The following MSN variants were observed in gnomAD, a reference collection of about 807,000 sequenced individuals.
MSN encodes the protein moesin, also known as epididymis luminal protein 70.
Under a neutral mutation model 48.0 loss-of-function variants are expected in MSN, and 2 were observed. That is an observed-to-expected ratio of 0.04 (90% CI 0.02 to 0.13). The LOEUF is 0.13. Ranked by LOEUF, MSN falls within the 10% of genes least tolerant of loss-of-function variation. The pLI, the probability that MSN is intolerant of heterozygous loss-of-function variation, is 1.00. For missense variants in MSN, 267 were observed against 470.1 expected, an observed-to-expected ratio of 0.57 and a Z score of 3.99; for synonymous variants, 146 against 166.9, an observed-to-expected ratio of 0.87 and a Z score of 0.97.
chrX:65,701,204 A>T (rs2071299873), intron 1 of MSN, among the ~76,000 whole-genome samples: 1 of 111,992 alleles, frequency 8.9e-6, no homozygotes, highest in South Asian at 3.7e-4. Context: ...CATTGTGATC[A>T]TCATGCTTTG....
chrX:65,616,986 T>A (rs1412434177), intron 1 of MSN, among the ~76,000 whole-genome samples: 1 of 110,130 alleles, frequency 9.1e-6, no homozygotes, highest in Non-Finnish European at 1.9e-5. Context: ...TGTCTTTGGC[T>A]CTGTTTATAT....
At chrX:65,683,614 T>C (rs956638446) in intron 1 of MSN, among the ~76,000 whole-genome samples, 2 of 111,199 alleles carry the variant, frequency 1.8e-5, no homozygotes, top group African/African-American at 3.3e-5. Context: ...TAAGGTTGAC[T>C]GTCCTAAAAT....
chrX:65,716,179 C>G (rs1035470527), intron 1 of MSN, among the ~76,000 whole-genome samples: 1 of 111,687 alleles, frequency 9.0e-6, no homozygotes, highest in Non-Finnish European at 1.9e-5. Flanking sequence ...AGAAGAGAAC[C>G]CTGTGAGATG....
chrX:65,728,061 G>A (rs933119928), intron 3 of MSN, 152 bp downstream of exon 3: 5 of 443,897 alleles, frequency 1.1e-5, no homozygotes, highest in East Asian at 7.7e-5. Context: ...AATAAGGACC[G>A]AGGACACAAG....
chrX:65,692,431 T>C (rs887692578), intron 1 of MSN, among the ~76,000 whole-genome samples: 1 of 112,446 alleles, frequency 8.9e-6, no homozygotes, highest in African/African-American at 3.2e-5. Context: ...GTATGATCAA[T>C]TGGTATGTGG....
intron 1 of MSN, among the ~76,000 whole-genome samples, chrX:65,651,651 G>A (rs1235332309): frequency 9.4e-6 from 1 of 106,484 alleles, no homozygotes; most frequent in Non-Finnish European, 1.9e-5. Context: ...GCAATGGCAC[G>A]ATCTCAGCTC....
chrX:65,634,538 G>A (rs999667116), intron 1 of MSN, among the ~76,000 whole-genome samples: 2 of 110,656 alleles, frequency 1.8e-5, no homozygotes, highest in East Asian at 2.8e-4. Flanking sequence ...ACTTGAACCC[G>A]GGAGGCAGAG....
chrX:65,659,112 G>A (rs972217613), intron 1 of MSN, among the ~76,000 whole-genome samples: 1 of 110,286 alleles, frequency 9.1e-6, no homozygotes, highest in African/African-American at 3.3e-5. Context: ...CCAAAGTGCT[G>A]GGATTACAGG....
intron 1 of MSN, among the ~76,000 whole-genome samples, chrX:65,688,256 A>C (rs2071136103): frequency 8.9e-6 from 1 of 112,105 alleles, no homozygotes; most frequent in African/African-American, 3.2e-5. Context: ...ATTATTTTTT[A>C]AAATAGAGAC....
At position 65,741,029 on chromosome X, in the gene MSN, C is replaced by G. The variant is rs996093375; in HGVS notation, c.*1136C>G. 1.2e-5 allele frequency: 2 copies of G among 166,617 alleles called. No individual in the cohort carries two copies. Among genetic ancestry groups the G allele is most frequent in the African/African-American group, 6.0e-5 (2 of 33,265 alleles). 13.7% of individuals were successfully genotyped at this position (166,617 alleles called of 1,213,427 possible). On this transcript the variant is annotated 3_prime_UTR_variant, in exon 13 of 13. Coordinates refer to ENST00000360270, the MANE Select transcript of MSN (RefSeq NM_002444.3). ...TGGTGAGAGAAGCCTGTGCCCTGAT[C>G]CAAGTTTACTCAACCCTCTCAGGTG...
chrX:65,641,549 AGTATATATATAT>A (rs1280574272), intron 1 of MSN, among the ~76,000 whole-genome samples: 4 of 32,562 alleles, frequency 1.2e-4, no homozygotes, highest in African/African-American at 4.3e-4. Context: ...AAAAAAGTGA[AGTATATATATAT>A]ATATATATAT....
At chrX:65,614,794 A>G (rs1386602120) in intron 1 of MSN, among the ~76,000 whole-genome samples, 1 of 98,775 alleles carries the variant, frequency 1.0e-5, no homozygotes, top group African/African-American at 3.7e-5. Context: ...ATGCTGGTGC[A>G]CTGCACCCAC....
At chrX:65,655,736 A>C (rs777053569) in intron 1 of MSN, among the ~76,000 whole-genome samples, 1 of 112,579 alleles carries the variant, frequency 8.9e-6, no homozygotes, top group Non-Finnish European at 1.9e-5. Flanking sequence ...ACCTCTTTTC[A>C]TGATAGCTTG....
intron 1 of MSN, among the ~76,000 whole-genome samples, chrX:65,701,714 C>T (rs1373117773): frequency 8.9e-6 from 1 of 111,869 alleles, no homozygotes; most frequent in Non-Finnish European, 1.9e-5. Flanking sequence ...ATTATGCCCA[C>T]GTTACAAGTT....
chrX:65,719,301 T>C (rs1051254293), intron 2 of MSN, among the ~76,000 whole-genome samples: 3 of 112,402 alleles, frequency 2.7e-5, no homozygotes, highest in Non-Finnish European at 5.6e-5. Flanking sequence ...GTTTCTCATC[T>C]GTACAATGCC....
At chrX:65,714,523 G>A (rs897164910) in intron 1 of MSN, among the ~76,000 whole-genome samples, 6 of 111,140 alleles carry the variant, frequency 5.4e-5, no homozygotes, top group African/African-American at 2.0e-4. Flanking sequence ...ATTCTGACTT[G>A]TGTGAGATGG....
intron 1 of MSN, among the ~76,000 whole-genome samples, chrX:65,590,523 C>A (rs770911799): frequency 1.8e-5 from 2 of 111,328 alleles, no homozygotes; most frequent in African/African-American, 6.5e-5. Flanking sequence ...CCCAAAATGC[C>A]ACAATGGCTA....
intron 1 of MSN, among the ~76,000 whole-genome samples, chrX:65,597,816 T>G (rs918583964): frequency 1.8e-5 from 2 of 112,175 alleles, no homozygotes; most frequent in Non-Finnish European, 3.8e-5. Flanking sequence ...GCAAAATGAT[T>G]TTGTGGGATG....
intron 1 of MSN, among the ~76,000 whole-genome samples, chrX:65,616,283 A>G (rs1569454267): frequency 9.7e-6 from 1 of 102,918 alleles, no homozygotes; most frequent in Non-Finnish European, 2.0e-5. Flanking sequence ...TTGAATCTGT[A>G]AATTACCTTG....
Sources: gnomAD v4.1 joint callset for allele counts (sites outside exome capture counted in the v4.1 genomes callset) on GRCh38, gnomAD v4.1.1 for gene constraint, MANE v1.5 for transcripts, NCBI Gene and HGNC (gene_info 2026-07-23, HGNC 2026-07-21) for gene names.